The following TRIO variants were observed in gnomAD, a reference collection of about 807,000 sequenced individuals.
The protein encoded by TRIO is triple functional domain protein.
A neutral mutation model predicts 351.9 loss-of-function variants in TRIO; 58 were observed. That is an observed-to-expected ratio of 0.16 (90% confidence interval 0.13 to 0.21). The LOEUF (loss-of-function observed/expected upper bound fraction) is 0.21, where lower values mean the gene tolerates loss of function less well. TRIO is among the 10% of genes least tolerant of loss of function. The probability of loss-of-function intolerance (pLI) is 1.00; values close to 1 mark genes in which losing one functional copy is unlikely to be tolerated. For missense variants in TRIO, 3,201 were observed against 4,027.8 expected (o/e 0.79, Z 5.56); for synonymous variants, 1,758 against 1,595.7 (o/e 1.10, Z -2.42).
chr5:14,165,253 GT>G (rs1464192473), intron 1 of TRIO, among the ~76,000 whole-genome samples: 1 of 152,224 alleles, frequency 6.6e-6, no homozygotes, highest in African/African-American at 2.4e-5. Context: ...CTGATGCGTA[GT>G]TTTTAAACCG....
intron 36 of TRIO, among the ~76,000 whole-genome samples, chr5:14,464,239 C>G (rs557928746): frequency 2.0e-5 from 3 of 152,208 alleles, no homozygotes; most frequent in African/African-American, 7.2e-5. Context: ...AAGCAGAAAA[C>G]TGGCATTTCT....
intron 1 of TRIO, among the ~76,000 whole-genome samples, chr5:14,160,774 A>G (rs950539885): frequency 6.6e-6 from 1 of 152,204 alleles, no homozygotes; most frequent in African/African-American, 2.4e-5. Context: ...CAGGTGAGGA[A>G]TTTGGTGAAG....
intron 1 of TRIO, among the ~76,000 whole-genome samples, chr5:14,232,316 C>T (rs1793490288): frequency 1.3e-5 from 2 of 152,208 alleles, no homozygotes; most frequent in African/African-American, 4.8e-5. Context: ...CCACTCCCCC[C>T]AACCCCTCCC....
intron 30 of TRIO, chr5:14,399,348 A>G (rs1409352187): frequency 2.2e-6 from 1 of 448,256 alleles, no homozygotes; most frequent in African/African-American, 2.0e-5. Flanking sequence ...AAGTGAAATC[A>G]TTTATCTCCG....
At chr5:14,154,823 C>T (rs1350682455) in intron 1 of TRIO, among the ~76,000 whole-genome samples, 1 of 152,170 alleles carries the variant, frequency 6.6e-6, no homozygotes, top group Non-Finnish European at 1.5e-5. Context: ...AGATTGTGCT[C>T]TAAACATTTA....
intron 2 of TRIO, among the ~76,000 whole-genome samples, chr5:14,279,050 A>G (rs1358311025): frequency 6.6e-6 from 1 of 152,226 alleles, no homozygotes; most frequent in Non-Finnish European, 1.5e-5. Context: ...GTAAAATCAC[A>G]TCAGAAAGTG....
At chr5:14,146,048 G>A (rs1787503537) in intron 1 of TRIO, among the ~76,000 whole-genome samples, 1 of 152,170 alleles carries the variant, frequency 6.6e-6, no homozygotes, top group South Asian at 2.1e-4. Flanking sequence ...CCATTCCAGC[G>A]ATAGCCTGGA....
rs534295652 is a variant in TRIO, at chr5:14,189,564, A to G, written c.157+45682A>G. The stretch of plus-strand genomic sequence containing the variant: ...AATTCTCATCTTAGGTTGTACATAT[A>G]TGACCAAGGCACTGGATAAATTCAC... On this transcript the variant is annotated intron_variant, in intron 1 of 56. Coordinates refer to ENST00000344204, the MANE Select transcript of TRIO (RefSeq NM_007118.4). Among the ~76,000 whole-genome samples the G allele has an allele frequency of 3.3e-5, 5 of 152,306 alleles. No homozygotes were observed. The South Asian group carries it at 1.0e-3, about 32-fold the overall frequency.
chr5:14,361,617 C>T (rs1219638379), intron 13 of TRIO, among the ~76,000 whole-genome samples: 1 of 152,144 alleles, frequency 6.6e-6, no homozygotes, highest in Admixed American at 6.5e-5. Flanking sequence ...ATCTGTTACC[C>T]GGTTAATTTA....
intron 11 of TRIO, among the ~76,000 whole-genome samples, chr5:14,357,927 C>A (rs944591860): frequency 6.6e-6 from 1 of 152,046 alleles, no homozygotes; most frequent in Admixed American, 6.5e-5. Context: ...CAGTGCTGCC[C>A]GCCGTTCGCC....
intron 43 of TRIO, 137 bp downstream of exon 43, chr5:14,480,148 C>A (rs957413908): frequency 1.4e-6 from 1 of 716,176 alleles, no homozygotes; most frequent in Non-Finnish European, 2.2e-6. Context: ...TAAGTTAAAC[C>A]TTAAAAATTT....
chr5:14,468,720 G>A (rs1271551750), intron 37 of TRIO, among the ~76,000 whole-genome samples: 3 of 152,176 alleles, frequency 2.0e-5, no homozygotes, highest in Non-Finnish European at 4.4e-5. Flanking sequence ...TGATTTCTGA[G>A]GCTGTCGCAC....
At chr5:14,460,290 G>A (rs1204230768) in intron 34 of TRIO, among the ~76,000 whole-genome samples, 1 of 152,180 alleles carries the variant, frequency 6.6e-6, no homozygotes, top group Non-Finnish European at 1.5e-5. Context: ...CATGTGGTAA[G>A]TTTCTCAAGA....
intron 1 of TRIO, among the ~76,000 whole-genome samples, chr5:14,248,438 T>G (rs376889674): frequency 1.3e-5 from 2 of 152,312 alleles, no homozygotes; most frequent in East Asian, 1.9e-4. Context: ...TAAAATAAAG[T>G]GATTTGATCC....
chr5:14,324,807 A>G (rs1166772761), intron 9 of TRIO, among the ~76,000 whole-genome samples: 1 of 152,212 alleles, frequency 6.6e-6, no homozygotes, highest in Non-Finnish European at 1.5e-5. Flanking sequence ...GTACAATACT[A>G]ACACTTCTAG....
chr5:14,256,188 C>T (rs1183644068), intron 1 of TRIO, among the ~76,000 whole-genome samples: 1 of 152,142 alleles, frequency 6.6e-6, no homozygotes, highest in African/African-American at 2.4e-5. Flanking sequence ...GAACTAGTGT[C>T]TCACATGGTG....
rs907544573 is a variant in TRIO, at chr5:14,297,155, G to T, written c.1260G>T (p.Arg420Ser). Residue 420 changes from arginine to serine, a missense_variant, in exon 7 of 57, where the codon AGG becomes AGT. Physicochemically the swap from Arg to Ser is moderately radical, Grantham distance 110. Transcript: ENST00000344204. ...ESGHYASQQI[R>S]QIASQLEQEW... The stretch of plus-strand genomic sequence containing the variant: ...GCCACTATGCCTCGCAGCAGATCAG[G>T]CAGATCGCGAGTCAGCTGGAGCAGG... 2 of 1,614,214 alleles carry T rather than the reference G, an allele frequency of 1.2e-6. No homozygotes were observed. The highest frequency in any genetic ancestry group is 1.7e-5 in the Admixed American group (1 of 60,032).
At position 14,359,467 on chromosome 5, in the gene TRIO, A is replaced by G; in HGVS notation, c.2327A>G (p.Gln776Arg). The G allele has an allele frequency of 1.2e-6, 2 of 1,614,266 alleles. No individual in the cohort carries two copies. The highest frequency in any genetic ancestry group is 1.7e-6 in the Non-Finnish European group (2 of 1,180,042). ...CAGTCGCAGATGGAGGAGCTCTTCC[A>G]GGAGCGCAAGATCAAGCTGGAGCTC... The part of the protein sequence containing the change: ...EAQSQMEELF[Q>R]ERKIKLELFL... The change falls in exon 13 of 57, where the codon CAG becomes CGG. Residue 776 changes from glutamine (Q) to arginine (R), a missense_variant. This residue lies in a region of TRIO where 363 missense variants were observed against 553.5 expected (regional missense o/e 0.66). Coordinates refer to ENST00000344204, the MANE Select transcript of TRIO (RefSeq NM_007118.4).
At chr5:14,336,351 A>G (rs1741415801) in intron 10 of TRIO, among the ~76,000 whole-genome samples, 185 bp from the exon 11 acceptor site, 1 of 152,248 alleles carries the variant, frequency 6.6e-6, no homozygotes, top group Admixed American at 6.5e-5. Context: ...ATCTAAAACA[A>G]CAGCGGGAAA....
Sources: gnomAD v4.1 joint callset for allele counts (sites outside exome capture counted in the v4.1 genomes callset) on GRCh38, gnomAD v4.1.1 for gene constraint, gnomAD v4.1.1 regional missense constraint, MANE v1.5 for transcripts, NCBI Gene and HGNC (gene_info 2026-07-23, HGNC 2026-07-21) for gene names.